Variants in CMIP observed in about 807,000 individuals in gnomAD.
CMIP encodes the protein C-Maf-inducing protein.
CMIP carries 13 observed loss-of-function variants against 97.3 expected under a neutral mutation model. The observed-to-expected ratio is 0.13, with a 90% confidence interval of 0.09 to 0.21. The LOEUF is 0.21. CMIP is among the 10% of genes least tolerant of loss of function. CMIP has a pLI of 1.00. For synonymous variants in CMIP, 538 were observed against 436.3 expected (o/e 1.23, Z -2.91); for missense variants, 847 against 1,024.9 (o/e 0.83, Z 2.37).
Position 81,675,658 on chromosome 16 carries a change from C to T in CMIP, c.1035-2617C>T, listed in dbSNP as rs184383823. Among the ~76,000 whole-genome samples the T allele has an allele frequency of 2.0e-3, 311 of 152,330 alleles. 2 individuals carry two copies. Among genetic ancestry groups the T allele is most frequent in the African/African-American group, 7.2e-3 (299 of 41,566 alleles). On this transcript the variant is annotated intron_variant, in intron 9 of 20. Transcript: ENST00000537098. Reference sequence around the variant, plus strand: ...TAAACAAACTCCACAAGTCATTCTGCTGCACACTGAATATGGAGGTCCCTG... The same window carrying T: ...TAAACAAACTCCACAAGTCATTCTGTTGCACACTGAATATGGAGGTCCCTG...
chr16:81,571,587 CAAAA>C (rs397854647), intron 1 of CMIP, among the ~76,000 whole-genome samples: 101 of 87,478 alleles, frequency 1.2e-3, no homozygotes, highest in African/African-American at 4.6e-3. Flanking sequence ...TCATCTCTAC[CAAAA>C]AAAAAAAAAA....
At chr16:81,688,832 C>G (rs748926158) in intron 10 of CMIP, among the ~76,000 whole-genome samples, 1 of 152,148 alleles carries the variant, frequency 6.6e-6, no homozygotes, top group African/African-American at 2.4e-5. Context: ...CAACAGGCCC[C>G]GGTGTGTGAT....
chr16:81,609,553 G>C (rs749019430), intron 2 of CMIP, among the ~76,000 whole-genome samples: 1 of 152,250 alleles, frequency 6.6e-6, no homozygotes, highest in Non-Finnish European at 1.5e-5. Flanking sequence ...GGGAGACAGA[G>C]CCATAAACAA....
At chr16:81,577,959 T>C (rs1264910238) in intron 1 of CMIP, among the ~76,000 whole-genome samples, 2 of 142,100 alleles carry the variant, frequency 1.4e-5, no homozygotes, top group African/African-American at 2.8e-5. Context: ...TCATCCCCAT[T>C]ACCACTACAT....
rs1226943702 is a variant in CMIP, at chr16:81,710,107, T to C, written c.*308T>C. ...GGTGGGCTGGGGGGTGGGGGACCCTTTGTGGATTTTCTTTGCCTTTGTGTT... is the reference window on the plus strand; with the variant it reads ...GGTGGGCTGGGGGGTGGGGGACCCTCTGTGGATTTTCTTTGCCTTTGTGTT... On this transcript the variant is annotated 3_prime_UTR_variant, in exon 21 of 21. Coordinates refer to ENST00000537098, the MANE Select transcript of CMIP (RefSeq NM_198390.3). 1 of 346,948 alleles carries C rather than the reference T, an allele frequency of 2.9e-6. No individual in the cohort carries two copies. Among genetic ancestry groups the C allele is most frequent in the African/African-American group, 2.1e-5 (1 of 47,936 alleles). 21.5% of individuals were successfully genotyped at this position (346,948 alleles called of 1,614,324 possible).
chr16:81,702,510 T>C (rs888534004), intron 16 of CMIP, 112 bp from the exon 17 acceptor site: 4 of 1,134,504 alleles, frequency 3.5e-6, no homozygotes, highest in Non-Finnish European at 5.2e-6. Flanking sequence ...CGTGTTGCCT[T>C]GTACCACCAA....
At chr16:81,670,328 C>A in intron 8 of CMIP, 83 bp downstream of exon 8, 2 of 1,408,620 alleles carry the variant, frequency 1.4e-6, no homozygotes, top group Non-Finnish European at 2.0e-6. Flanking sequence ...CCACGGGGGG[C>A]TGTCGTGTAA....
At chr16:81,658,143 A>G (rs1453022204) in intron 5 of CMIP, among the ~76,000 whole-genome samples, 3 of 152,254 alleles carry the variant, frequency 2.0e-5, no homozygotes, top group South Asian at 4.1e-4. Context: ...GCATCACCCC[A>G]TTAGCTGAAA....
chr16:81,547,670 A>G (rs2090573759), intron 1 of CMIP, among the ~76,000 whole-genome samples: 1 of 152,164 alleles, frequency 6.6e-6, no homozygotes, highest in Admixed American at 6.5e-5. Context: ...TGCAGGGTCC[A>G]GATTGAGTGT....
At chr16:81,701,883 G>A in intron 16 of CMIP, 83 bp downstream of exon 16, 1 of 1,496,438 alleles carries the variant, frequency 6.7e-7, no homozygotes, top group Non-Finnish European at 9.2e-7. Context: ...GCTAGTACTT[G>A]GACCTGAGTG....
At chr16:81,626,064 C>T (rs953070752) in intron 3 of CMIP, among the ~76,000 whole-genome samples, 1 of 152,240 alleles carries the variant, frequency 6.6e-6, no homozygotes, top group Non-Finnish European at 1.5e-5. Context: ...GCCCTGGCCA[C>T]GCTGCCTTCT....
At chr16:81,628,102 A>G in intron 3 of CMIP, among the ~76,000 whole-genome samples, 1 of 152,240 alleles carries the variant, frequency 6.6e-6, no homozygotes, top group Non-Finnish European at 1.5e-5. Context: ...GGGCCATGCT[A>G]GAAGGGGGGA....
intron 1 of CMIP, among the ~76,000 whole-genome samples, chr16:81,456,242 G>A (rs774312108): frequency 1.1e-4 from 16 of 152,204 alleles, no homozygotes; most frequent in Admixed American, 2.6e-4. Flanking sequence ...GGAGGGGACC[G>A]CGGGGTAATC....
At chr16:81,698,530 G>T (rs1464806964) in intron 14 of CMIP, among the ~76,000 whole-genome samples, 1 of 152,220 alleles carries the variant, frequency 6.6e-6, no homozygotes, top group African/African-American at 2.4e-5. Flanking sequence ...CGTGGTTCCA[G>T]CGGTGCCAGG....
chr16:81,548,952 A>G (rs1444103758), intron 1 of CMIP, among the ~76,000 whole-genome samples: 1 of 152,148 alleles, frequency 6.6e-6, no homozygotes, highest in Non-Finnish European at 1.5e-5. Flanking sequence ...ATAGCAACCC[A>G]TTTCACACAC....
At chr16:81,489,355 T>C (rs1337863238) in intron 1 of CMIP, among the ~76,000 whole-genome samples, 2 of 152,226 alleles carry the variant, frequency 1.3e-5, no homozygotes, top group African/African-American at 4.8e-5. Flanking sequence ...AGGGGGACTT[T>C]ACTTGCAGAG....
intron 7 of CMIP, among the ~76,000 whole-genome samples, chr16:81,667,799 A>AGAGAGAGAGTGTGTGTGTGTGTGTGT: frequency 1.7e-5 from 1 of 58,096 alleles, no homozygotes; most frequent in Non-Finnish European, 3.2e-5. Context: ...AGAGAGAGAG[A>AGAGAGAGAGTGTGTGTGTGTGTGTGT]GTGTGTGTGT....
At chr16:81,570,045 T>A (rs2091056886) in intron 1 of CMIP, among the ~76,000 whole-genome samples, 1 of 152,218 alleles carries the variant, frequency 6.6e-6, no homozygotes. Context: ...AGGCCTGTGC[T>A]AGAATCTTCC....
At chr16:81,468,194 G>T (rs9938173) in intron 1 of CMIP, among the ~76,000 whole-genome samples, 1 of 152,226 alleles carries the variant, frequency 6.6e-6, no homozygotes, top group Non-Finnish European at 1.5e-5. Flanking sequence ...GCAGGGGCCA[G>T]AGGGCTGGGG....
Sources: gnomAD v4.1 joint callset for allele counts (sites outside exome capture counted in the v4.1 genomes callset) on GRCh38, gnomAD v4.1.1 for gene constraint, MANE v1.5 for transcripts, NCBI Gene and HGNC (gene_info 2026-07-23, HGNC 2026-07-21) for gene names.